Variants in PTP4A1 observed in about 807,000 individuals in gnomAD.
PTP4A1 encodes the protein protein tyrosine phosphatase 4A1, also known as protein tyrosine phosphatase type IVA 1.
A neutral mutation model predicts 20.5 loss-of-function variants in PTP4A1; 9 were observed. The ratio of observed to expected loss-of-function variants is 0.44; its 90% confidence interval spans 0.26 to 0.77. The LOEUF (loss-of-function observed/expected upper bound fraction) is 0.77, where lower values mean the gene tolerates loss of function less well. PTP4A1 is among the 30% of genes least tolerant of loss of function. The probability of loss-of-function intolerance (pLI) is 0.19; values close to 1 mark genes in which losing one functional copy is unlikely to be tolerated. For missense variants in PTP4A1, 137 were observed against 218.8 expected, an observed-to-expected ratio of 0.63 and a Z score of 2.36; for synonymous variants, 78 against 67.4, an observed-to-expected ratio of 1.16 and a Z score of -0.77.
chr6:63,560,338 CAAAAAAA>C (rs369689231), intron 3 of PTP4A1, among the ~76,000 whole-genome samples: 7 of 50,582 alleles, frequency 1.4e-4, no homozygotes, highest in Non-Finnish European at 1.3e-4. Context: ...GACTCCGTCT[CAAAAAAA>C]AAAAAAAAAA....
rs143739207 is a variant in PTP4A1 at position 63,552,904 on chromosome 6, G to A, written c.-446+2411G>A. On this transcript the variant is annotated intron_variant, in intron 3 of 3. Coordinates refer to the PTP4A1 transcript ENST00000639568. ...GTATCTCTGTTTTGGTACCAGTACC[G>A]TGCTGTTTTGGTACTGTAGCCTTGT... 2.6e-3 allele frequency among the ~76,000 whole-genome samples: 395 copies of A among 152,208 alleles called. 2 individuals carry two copies. The highest frequency in any genetic ancestry group is 9.0e-3 in the African/African-American group (373 of 41,548).
chr6:63,552,857 T>C lies in PTP4A1; in HGVS notation c.-446+2364T>C, dbSNP rs561084247. On this transcript the variant is annotated intron_variant, in intron 3 of 3. Coordinates refer to the PTP4A1 transcript ENST00000639568. ...ATCAGATGATTGTAGATGTGTGGTA[T>C]TATTTCTGAGGGCTCTGTTCTGTAT... Among the ~76,000 whole-genome samples, 3 of 152,346 alleles carry C rather than the reference T, an allele frequency of 2.0e-5. No homozygotes were observed. The East Asian group carries it at 5.8e-4, about 29-fold the overall frequency.
chr6:63,534,165 G>GA (rs1335048926), intron 2 of PTP4A1, among the ~76,000 whole-genome samples: 2 of 151,944 alleles, frequency 1.3e-5, no homozygotes, highest in African/African-American at 4.8e-5. Context: ...TTTTAATGTG[G>GA]AAACTGCCAT....
At chr6:63,564,275 CAAA>C (rs35998260) in intron 3 of PTP4A1, among the ~76,000 whole-genome samples, 6 of 95,620 alleles carry the variant, frequency 6.3e-5, no homozygotes, top group Admixed American at 1.2e-4. Context: ...GACTCTGTCT[CAAA>C]AAAAAAAAAA....
In PTP4A1 at chr6:63,576,804, G is replaced by A; in HGVS notation, c.-77G>A. On this transcript the variant is annotated 5_prime_UTR_variant, in exon 2 of 6. Transcript: ENST00000626021. ...GTGGAGTATATTGAAGTAGACTTCAGTTTCTTTGCATCATTTCTGTATTCA... is the reference window on the plus strand; with the variant it reads ...GTGGAGTATATTGAAGTAGACTTCAATTTCTTTGCATCATTTCTGTATTCA... 1.7e-6 allele frequency: 2 copies of A among 1,196,408 alleles called. No homozygotes were observed. The highest frequency in any genetic ancestry group is 4.8e-5 in the East Asian group (2 of 42,096). The allele number at this position is 1,196,408 out of a possible 1,614,324, so 74.1% of individuals were successfully genotyped here.
In PTP4A1 at chr6:63,576,782, G is replaced by T; in HGVS notation, c.-99G>T. Reference sequence around the variant, plus strand: ...CTCAAAGCACTGAGAATTTCAAGTGGAGTATATTGAAGTAGACTTCAGTTT... The same window carrying T: ...CTCAAAGCACTGAGAATTTCAAGTGTAGTATATTGAAGTAGACTTCAGTTT... On this transcript the variant is annotated 5_prime_UTR_variant, in exon 2 of 6. Coordinates refer to ENST00000626021, the MANE Select transcript of PTP4A1 (RefSeq NM_003463.5). 2 of 873,644 alleles carry T rather than the reference G, an allele frequency of 2.3e-6. No individual in the cohort carries two copies. Among genetic ancestry groups the T allele is most frequent in the Non-Finnish European group, 3.6e-6 (2 of 558,510 alleles). The allele number at this position is 873,644 out of a possible 1,614,324, so 54.1% of individuals were successfully genotyped here. A position where few individuals can be genotyped will look rare whatever the true frequency, so the allele number is the denominator to read the frequency against.
upstream of PTP4A1, among the ~76,000 whole-genome samples, chr6:63,519,423 T>G (rs1774844816): frequency 6.6e-6 from 1 of 152,216 alleles, no homozygotes; most frequent in Non-Finnish European, 1.5e-5. Flanking sequence ...TTTTCATAGC[T>G]TTTTGGATTT....
upstream of PTP4A1, chr6:63,521,727 T>G (rs1485767610): frequency 6.6e-6 from 1 of 152,230 alleles, no homozygotes; most frequent in Non-Finnish European, 1.5e-5. Flanking sequence ...CTTAAGCTCC[T>G]GCACTTTCTG....
intron 5 of PTP4A1, among the ~76,000 whole-genome samples, chr6:63,579,588 T>C (rs915616017): frequency 7.2e-5 from 11 of 152,258 alleles, no homozygotes; most frequent in African/African-American, 2.7e-4. Flanking sequence ...ATTTTGTATT[T>C]TTATTGAGGT....
chr6:63,519,304 T>A (rs144526771), upstream of PTP4A1, among the ~76,000 whole-genome samples: 49 of 150,998 alleles, frequency 3.2e-4, no homozygotes, highest in African/African-American at 1.2e-3. Flanking sequence ...CGAAACTCTG[T>A]CTCAAAAAAA....
At chr6:63,548,726 A>T in intron 2 of PTP4A1, 2 of 649,292 alleles carry the variant, frequency 3.1e-6, no homozygotes, top group Non-Finnish European at 5.5e-6. Context: ...GCTTAGTTGC[A>T]AGTTCTTGAG....
At chr6:63,535,472 G>GA (rs984485292) in intron 2 of PTP4A1, among the ~76,000 whole-genome samples, 29 of 145,324 alleles carry the variant, frequency 2.0e-4, no homozygotes, top group East Asian at 4.0e-4. Flanking sequence ...TGTCTTAAAA[G>GA]AAAAAAAAAA....
rs183541635 is a variant in PTP4A1, at chr6:63,576,141, A to G, written c.-445-295A>G. Reference sequence around the variant, plus strand: ...GAGAATATAACTAGATAGAATATATATGAATATATATATGAATTTCACAAA... The same window carrying G: ...GAGAATATAACTAGATAGAATATATGTGAATATATATATGAATTTCACAAA... On this transcript the variant is annotated intron_variant, in intron 1 of 5. Transcript: ENST00000626021. 3.0e-3 allele frequency among the ~76,000 whole-genome samples: 444 copies of G among 150,500 alleles called. 3 individuals are homozygous for G. The highest frequency in any genetic ancestry group is 0.01 in the African/African-American group (424 of 41,264).
At chr6:63,561,209 C>T (rs1023575714) in intron 3 of PTP4A1, among the ~76,000 whole-genome samples, 1 of 152,122 alleles carries the variant, frequency 6.6e-6, no homozygotes, top group African/African-American at 2.4e-5. Flanking sequence ...AATTTGAATT[C>T]CAGCTGCATC....
intron 2 of PTP4A1, among the ~76,000 whole-genome samples, chr6:63,540,172 G>A (rs1385681639): frequency 6.6e-6 from 1 of 152,172 alleles, no homozygotes. Context: ...GGTGTGCATG[G>A]TTGGAGAGTG....
intron 3 of PTP4A1, among the ~76,000 whole-genome samples, chr6:63,562,418 C>T (rs140571066): frequency 2.2e-3 from 339 of 152,196 alleles, no homozygotes; most frequent in Non-Finnish European, 2.2e-3. Context: ...AGGCTGGTCT[C>T]GAACTCCCGA....
chr6:63,572,862 C>T (rs542371768), intron 1 of PTP4A1, 143 bp downstream of exon 1: 4 of 390,806 alleles, frequency 1.0e-5, no homozygotes, highest in Non-Finnish European at 1.8e-5. Flanking sequence ...TGGGAGCGGG[C>T]GGGTTATGGC....
intron 3 of PTP4A1, among the ~76,000 whole-genome samples, chr6:63,561,489 C>T (rs950991203): frequency 6.6e-6 from 1 of 152,190 alleles, no homozygotes; most frequent in African/African-American, 2.4e-5. Context: ...TATCTTTAGA[C>T]CTTTCTATTC....
chr6:63,572,333 G>C, upstream of PTP4A1: 1 of 261,692 alleles, frequency 3.8e-6, no homozygotes, highest in African/African-American at 2.2e-5. Context: ...GTTCACACCG[G>C]CGGCGGCCGC....
Sources: allele counts gnomAD v4.1 joint callset (sites outside exome capture counted in the v4.1 genomes callset), GRCh38; gene constraint gnomAD v4.1.1; transcripts MANE v1.5; gene names NCBI Gene and HGNC (gene_info 2026-07-23, HGNC 2026-07-21).